Variants in NCAM2 observed in about 807,000 individuals in gnomAD.
NCAM2 encodes N-CAM-2.
In NCAM2, 30 loss-of-function variants were observed where a neutral mutation model predicts 98.1. The observed-to-expected ratio is 0.31, with a 90% CI of 0.23 to 0.41. The LOEUF is 0.41. Among genes scored for constraint, NCAM2 ranks in the 10% least tolerant of loss-of-function variants. The pLI, the probability that NCAM2 is intolerant of heterozygous loss-of-function variation, is 1.00. For synonymous variants in NCAM2, 368 were observed against 342.4 expected (o/e 1.07, Z -0.83); for missense variants, 867 against 1,005.8 (o/e 0.86, Z 1.87).
chr21:21,251,811 A>T (rs140300134), intron 1 of NCAM2, among the ~76,000 whole-genome samples: 23 of 149,910 alleles, frequency 1.5e-4, no homozygotes, highest in African/African-American at 5.4e-4. Context: ...CCTTTGTCAG[A>T]TGAGTAGATT....
At position 21,414,125 on chromosome 21, in the gene NCAM2, A is replaced by G. The variant is rs529345990; in HGVS notation, c.1383+3664A>G. ...TTTATTTGCTCCTCCATGAAGAGCA[A>G]TTTTCCCATCTGTTAGAGTTTTATC... On this transcript the variant is annotated intron_variant, in intron 10 of 17. Coordinates refer to ENST00000400546, the MANE Select transcript of NCAM2 (RefSeq NM_004540.5). Among the ~76,000 whole-genome samples, 151 of 152,266 alleles carry G rather than the reference A, an allele frequency of 9.9e-4. 1 individual carries two copies. The highest frequency in any genetic ancestry group is 3.5e-3 in the African/African-American group (144 of 41,552).
intron 1 of NCAM2, among the ~76,000 whole-genome samples, chr21:21,267,627 G>A (rs891886879): frequency 7.9e-5 from 12 of 152,112 alleles, no homozygotes; most frequent in African/African-American, 2.9e-4. Flanking sequence ...CCACTCAGAG[G>A]TGTACAAATA....
At chr21:21,197,250 C>T (rs940189050) in intron 1 of NCAM2, among the ~76,000 whole-genome samples, 1 of 152,172 alleles carries the variant, frequency 6.6e-6, no homozygotes, top group Non-Finnish European at 1.5e-5. Flanking sequence ...CTGCTTCAGC[C>T]TCCTGAGTAG....
Position 21,323,351 on chromosome 21 carries a change from A to G in NCAM2, c.620-1032A>G, listed in dbSNP as rs1039480617. On this transcript the variant is annotated intron_variant, in intron 5 of 17. Coordinates refer to ENST00000400546, the MANE Select transcript of NCAM2 (RefSeq NM_004540.5). ...GCAGAAACTTGATTTATTGTGTTTAATTACTAAGTTACATACCAGTTCTTA... is the reference window on the plus strand; with the variant it reads ...GCAGAAACTTGATTTATTGTGTTTAGTTACTAAGTTACATACCAGTTCTTA... Among the ~76,000 whole-genome samples the G allele has an allele frequency of 3.3e-5, 5 of 152,254 alleles. No homozygotes were observed. The East Asian group carries it at 9.6e-4, about 29-fold the overall frequency.
At chr21:21,240,793 G>A (rs369829988) in intron 1 of NCAM2, among the ~76,000 whole-genome samples, 1 of 152,058 alleles carries the variant, frequency 6.6e-6, no homozygotes, top group Non-Finnish European at 1.5e-5. Flanking sequence ...GTGAATTTAG[G>A]CAATTTACTT....
chr21:21,495,658 G>A (rs1285111150), intron 15 of NCAM2, among the ~76,000 whole-genome samples: 5 of 151,876 alleles, frequency 3.3e-5, no homozygotes, highest in Admixed American at 1.3e-4. Flanking sequence ...AAATTCCAAT[G>A]CCCACCAATC....
intron 13 of NCAM2, 51 bp from the exon 14 acceptor site, chr21:21,468,611 C>G (rs1423193326): frequency 2.6e-6 from 4 of 1,532,196 alleles, no homozygotes; most frequent in African/African-American, 1.4e-5. Flanking sequence ...TATAGTTTAT[C>G]TAGGTATCTG....
chr21:21,112,916 T>C lies in NCAM2; in HGVS notation c.55+114298T>C, dbSNP rs569189351. 9.8e-5 allele frequency among the ~76,000 whole-genome samples: 15 copies of C among 152,322 alleles called. No homozygotes were observed. In the East Asian group the frequency reaches 2.5e-3, roughly 26 times the overall value. The stretch of plus-strand genomic sequence containing the variant: ...CTTCGTAGGATTGGTAAGAATGGGA[T>C]GTGTTCTTTTGCTCTCCTGCACGTG... On this transcript the variant is annotated intron_variant, in intron 1 of 17. Transcript: ENST00000400546.
At chr21:21,363,632 C>T (rs900605308) in intron 8 of NCAM2, among the ~76,000 whole-genome samples, 8 of 151,930 alleles carry the variant, frequency 5.3e-5, no homozygotes, top group Admixed American at 3.9e-4. Context: ...GATTGATATA[C>T]GTTAAAGATT....
chr21:21,302,693 G>A (rs745555529), intron 5 of NCAM2, among the ~76,000 whole-genome samples: 1 of 152,060 alleles, frequency 6.6e-6, no homozygotes, highest in Non-Finnish European at 1.5e-5. Flanking sequence ...GCAGTTTGGA[G>A]ACTTCTTAAG....
chr21:21,235,367 C>A (rs1175325504), intron 1 of NCAM2, among the ~76,000 whole-genome samples: 18 of 151,836 alleles, frequency 1.2e-4, no homozygotes, highest in Admixed American at 1.1e-3. Flanking sequence ...TTATTTATTT[C>A]TTCTCTGATT....
intron 12 of NCAM2, chr21:21,463,916 C>A (rs1031122268): frequency 2.0e-5 from 3 of 151,658 alleles, no homozygotes; most frequent in African/African-American, 7.3e-5. Context: ...TAATTAATAA[C>A]CTCAACTTTT....
At chr21:21,147,716 C>A (rs1283479550) in intron 1 of NCAM2, among the ~76,000 whole-genome samples, 1 of 146,984 alleles carries the variant, frequency 6.8e-6, no homozygotes, top group Non-Finnish European at 1.5e-5. Flanking sequence ...ATATTATATA[C>A]TATATATAAT....
At chr21:21,201,220 T>C (rs907557225) in intron 1 of NCAM2, among the ~76,000 whole-genome samples, 1 of 152,186 alleles carries the variant, frequency 6.6e-6, no homozygotes, top group Non-Finnish European at 1.5e-5. Flanking sequence ...AGACTATGAA[T>C]ATGAGTTTAT....
rs1376349091 is a variant in NCAM2 at position 21,540,809 on chromosome 21, C to A, written c.*2852C>A. Reference sequence around the variant, plus strand: ...TAGGTTAGGTGCAATTAGGCAGTGACAATCTGTATTCAACAACATATAAGA... The same window carrying A: ...TAGGTTAGGTGCAATTAGGCAGTGAAAATCTGTATTCAACAACATATAAGA... On this transcript the variant is annotated 3_prime_UTR_variant, in exon 18 of 18. Transcript: ENST00000400546. 2 of 151,828 alleles carry A rather than the reference C, an allele frequency of 1.3e-5. No homozygotes were observed. The highest frequency in any genetic ancestry group is 4.8e-5 in the African/African-American group (2 of 41,406). 9.4% of individuals were successfully genotyped at this position (151,828 alleles called of 1,614,324 possible).
intron 8 of NCAM2, among the ~76,000 whole-genome samples, chr21:21,373,404 A>G (rs754317092): frequency 5.9e-5 from 9 of 151,932 alleles, no homozygotes; most frequent in African/African-American, 9.7e-5. Flanking sequence ...GGATGTTGCC[A>G]TGTAAATATA....
At chr21:21,250,119 G>C (rs1448793320) in intron 1 of NCAM2, among the ~76,000 whole-genome samples, 1 of 152,110 alleles carries the variant, frequency 6.6e-6, no homozygotes, top group East Asian at 1.9e-4. Flanking sequence ...GATTAAAATG[G>C]ACAGGTCAAC....
chr21:21,384,926 T>G (rs1352082874), intron 9 of NCAM2, among the ~76,000 whole-genome samples: 2 of 152,112 alleles, frequency 1.3e-5, no homozygotes, highest in Non-Finnish European at 2.9e-5. Flanking sequence ...ATTTGGAATA[T>G]GTAACCATGA....
At chr21:21,514,472 C>CAAAAAAA (rs56710788) in intron 16 of NCAM2, among the ~76,000 whole-genome samples, 335 of 127,650 alleles carry the variant, frequency 2.6e-3, no homozygotes, top group Non-Finnish European at 3.6e-3. Context: ...TCTCAAAAAA[C>CAAAAAAA]AAAAAAAAAA....
Sources: allele counts gnomAD v4.1 joint callset (sites outside exome capture counted in the v4.1 genomes callset), GRCh38; gene constraint gnomAD v4.1.1; transcripts MANE v1.5; gene names NCBI Gene and HGNC (gene_info 2026-07-23, HGNC 2026-07-21).